FBXL17: variants seen among roughly 807,000 people sequenced by gnomAD.
FBXL17 encodes the protein F-box and leucine rich repeat protein 17.
FBXL17 carries 22 observed loss-of-function variants against 66.2 expected under a neutral mutation model. The observed-to-expected ratio is 0.33, with a 90% CI of 0.24 to 0.47. The LOEUF (loss-of-function observed/expected upper bound fraction) is 0.47, where lower values mean the gene tolerates loss of function less well. FBXL17 is among the 20% of genes least tolerant of loss of function. The probability of loss-of-function intolerance (pLI) is 1.00; values close to 1 mark genes in which losing one functional copy is unlikely to be tolerated. For missense variants in FBXL17, 878 were observed against 948.2 expected, an observed-to-expected ratio of 0.93 and a Z score of 0.97; for synonymous variants, 474 against 400.5, an observed-to-expected ratio of 1.18 and a Z score of -2.19.
At chr5:107,895,505 T>G (rs1749348130) in intron 7 of FBXL17, among the ~76,000 whole-genome samples, 1 of 152,256 alleles carries the variant, frequency 6.6e-6, no homozygotes, top group Admixed American at 6.5e-5. Flanking sequence ...CTGTAGCAAT[T>G]TATTTAACTG....
At chr5:108,245,936 CTGACAG>C (rs1328458821) in intron 4 of FBXL17, among the ~76,000 whole-genome samples, 3 of 152,138 alleles carry the variant, frequency 2.0e-5, no homozygotes, top group Admixed American at 1.3e-4. Context: ...CAGGGCCTGA[CTGACAG>C]TAAGTACTCA....
intron 6 of FBXL17, among the ~76,000 whole-genome samples, chr5:108,114,475 T>A (rs2149956909): frequency 6.6e-6 from 1 of 152,270 alleles, no homozygotes; most frequent in African/African-American, 2.4e-5. Context: ...GGCAAGAAAA[T>A]AATTTTATAG....
At chr5:107,885,745 C>G (rs552978204) in intron 7 of FBXL17, among the ~76,000 whole-genome samples, 82 of 151,518 alleles carry the variant, frequency 5.4e-4, no homozygotes, top group Admixed American at 3.1e-3. Context: ...CTCATCTGTG[C>G]ACAAGTAACA....
chr5:107,890,387 C>T (rs549633381), intron 7 of FBXL17, among the ~76,000 whole-genome samples: 45 of 151,526 alleles, frequency 3.0e-4, no homozygotes, highest in East Asian at 1.4e-3. Flanking sequence ...TGAAGCTGGG[C>T]ATGGTGGTTC....
At chr5:108,338,411 T>C (rs1156483525) in intron 4 of FBXL17, among the ~76,000 whole-genome samples, 1 of 152,168 alleles carries the variant, frequency 6.6e-6, no homozygotes, top group East Asian at 1.9e-4. Flanking sequence ...TATTTATTTA[T>C]ATGTTTTATT....
At chr5:108,231,028 T>C (rs1388125735) in intron 4 of FBXL17, among the ~76,000 whole-genome samples, 4 of 152,126 alleles carry the variant, frequency 2.6e-5, no homozygotes, top group African/African-American at 9.7e-5. Context: ...CCTAGGGTGA[T>C]TCTTATACAC....
Position 108,016,510 on chromosome 5 carries a change from C to A in FBXL17, c.1822+4415G>T, listed in dbSNP as rs288174. On this transcript the variant is annotated intron_variant, in intron 7 of 8. Transcript: ENST00000542267. The stretch of plus-strand genomic sequence containing the variant: ...GTGCTAAAGTGAAAAAAGAATGTGA[C>A]AACTCAGAAAGAAACCTGGGTCATT... Among the ~76,000 whole-genome samples, 71 of 152,146 alleles carry A rather than the reference C, an allele frequency of 4.7e-4. No individual in the cohort carries two copies. The Middle Eastern group carries it at 0.01, about 22-fold the overall frequency.
At chr5:107,888,250 T>G (rs921794745) in intron 7 of FBXL17, among the ~76,000 whole-genome samples, 1 of 152,218 alleles carries the variant, frequency 6.6e-6, no homozygotes, top group Admixed American at 6.5e-5. Flanking sequence ...ATCAACATGT[T>G]TGTCTTCCCC....
intron 6 of FBXL17, among the ~76,000 whole-genome samples, chr5:108,153,916 C>T (rs1329977674): frequency 1.3e-5 from 2 of 152,116 alleles, no homozygotes; most frequent in Admixed American, 1.3e-4. Flanking sequence ...TGTCCAGGGC[C>T]CAATTAACCT....
At chr5:108,300,424 A>G (rs1326293896) in intron 4 of FBXL17, among the ~76,000 whole-genome samples, 1 of 151,898 alleles carries the variant, frequency 6.6e-6, no homozygotes, top group Non-Finnish European at 1.5e-5. Context: ...GGAATTGTTG[A>G]ACAAATGCTT....
chr5:108,090,943 T>C lies in FBXL17; in HGVS notation c.1746-69942A>G, dbSNP rs552388420. On this transcript the variant is annotated intron_variant, in intron 6 of 8. Coordinates refer to ENST00000542267, the MANE Select transcript of FBXL17 (RefSeq NM_001163315.3). ...ATACATAGTCACTATCATCTCTTTTTGTATACTAAAATAACCAATTATTTA... is the reference window on the plus strand; with the variant it reads ...ATACATAGTCACTATCATCTCTTTTCGTATACTAAAATAACCAATTATTTA... Among the ~76,000 whole-genome samples the C allele has an allele frequency of 3.9e-5, 6 of 152,348 alleles. No individual in the cohort carries two copies. The South Asian group carries it at 1.2e-3, about 32-fold the overall frequency.
At chr5:107,963,115 T>A (rs1173102810) in intron 7 of FBXL17, among the ~76,000 whole-genome samples, 1 of 152,292 alleles carries the variant, frequency 6.6e-6, no homozygotes, top group East Asian at 1.9e-4. Flanking sequence ...TCTAAGATTC[T>A]GGTGTCCTGA....
intron 4 of FBXL17, among the ~76,000 whole-genome samples, chr5:108,312,209 G>C (rs965244281): frequency 6.6e-6 from 1 of 151,976 alleles, no homozygotes; most frequent in Non-Finnish European, 1.5e-5. Flanking sequence ...AACATTCCTA[G>C]AAAGAATAAG....
At chr5:108,362,980 A>G (rs1428199811) in intron 3 of FBXL17, among the ~76,000 whole-genome samples, 1 of 152,046 alleles carries the variant, frequency 6.6e-6, no homozygotes, top group East Asian at 1.9e-4. Flanking sequence ...TGCTAAATTA[A>G]TGAGTTCAAG....
intron 6 of FBXL17, among the ~76,000 whole-genome samples, chr5:108,123,174 T>A (rs1750570850): frequency 6.6e-6 from 1 of 151,934 alleles, no homozygotes; most frequent in East Asian, 1.9e-4. Context: ...CTTTTTTTAA[T>A]TGCCACTACA....
chr5:108,086,609 A>C (rs1320839468), intron 6 of FBXL17, among the ~76,000 whole-genome samples: 1 of 152,058 alleles, frequency 6.6e-6, no homozygotes, highest in Non-Finnish European at 1.5e-5. Context: ...CCCAGGCTGG[A>C]GTGCAGTGGC....
Position 108,355,274 on chromosome 5 carries a change from T to TTATG in FBXL17, c.1375-6745_1375-6744insCATA, listed in dbSNP as rs1747907965. Among the ~76,000 whole-genome samples, 16 of 140,844 alleles carry TTATG rather than the reference T, an allele frequency of 1.1e-4. No homozygotes were observed. In the South Asian group the frequency reaches 3.2e-3, roughly 28 times the overall value. 92.4% of individuals were successfully genotyped at this position (140,844 alleles called of 152,430 possible). ...GGGATGAAAAACTTTATTTATTTAT[T>TTATG]TATTTATTTATTTATTTATTTATTT... On this transcript the variant is annotated intron_variant, in intron 3 of 8. Transcript: ENST00000542267.
chr5:107,983,060 C>G (rs1580283746), intron 7 of FBXL17, among the ~76,000 whole-genome samples: 1 of 152,112 alleles, frequency 6.6e-6, no homozygotes, highest in African/African-American at 2.4e-5. Flanking sequence ...CTGCTTCTCC[C>G]CTTTCTTATT....
intron 6 of FBXL17, among the ~76,000 whole-genome samples, chr5:108,055,280 GAAAAAAAAAAAAAAAAAAA>G (rs1000211060): frequency 1.3e-4 from 3 of 23,692 alleles, no homozygotes; most frequent in Non-Finnish European, 2.4e-4. Flanking sequence ...AGAATTTTTA[GAAAAAAAAAAAAAAAAAAA>G]AAAAAAAAAA....
Sources: gnomAD v4.1 joint callset for allele counts (sites outside exome capture counted in the v4.1 genomes callset) on GRCh38, gnomAD v4.1.1 for gene constraint, MANE v1.5 for transcripts, NCBI Gene and HGNC (gene_info 2026-07-23, HGNC 2026-07-21) for gene names.